The following DPF2 variants were observed in gnomAD, a reference collection of about 807,000 sequenced individuals.
DPF2 encodes zinc finger protein ubi-d4.
Under a neutral mutation model 59.6 loss-of-function variants are expected in DPF2, and 10 were observed. That is an observed-to-expected ratio of 0.17 (90% CI 0.10 to 0.28). DPF2 has a LOEUF of 0.28. Ranked by LOEUF, DPF2 falls within the 10% of genes least tolerant of loss-of-function variation. The pLI is 1.00. For missense variants in DPF2, 315 were observed against 509.4 expected, an observed-to-expected ratio of 0.62 and a Z score of 3.67; for synonymous variants, 189 against 190.6, an observed-to-expected ratio of 0.99 and a Z score of 0.07.
chr11:65,338,147 A>G (rs1317227311), intron 1 of DPF2, among the ~76,000 whole-genome samples: 2 of 151,888 alleles, frequency 1.3e-5, no homozygotes, highest in South Asian at 2.1e-4. Flanking sequence ...GGATCTCACT[A>G]TGTTGCCCAA....
chr11:65,352,029 C>T lies in DPF2; in HGVS notation c.*270C>T, dbSNP rs758009351. The T allele has an allele frequency of 3.7e-5, 18 of 486,206 alleles. No homozygotes were observed. The highest frequency in any genetic ancestry group is 6.3e-5 in the Non-Finnish European group (17 of 267,838). The allele number at this position is 486,206 out of a possible 1,614,324, so 30.1% of individuals were successfully genotyped here. ...CTGCTCTCCATTAAGTGCATTCACT[C>T]TGCTTGCCTTGGGCCCAGCCCCTGG... is the stretch of plus-strand genomic sequence containing the variant. On this transcript the variant is annotated 3_prime_UTR_variant, in exon 11 of 11. Coordinates refer to ENST00000528416, the MANE Select transcript of DPF2 (RefSeq NM_006268.5).
intron 8 of DPF2, 74 bp from the exon 9 acceptor site, chr11:65,346,173 G>A: frequency 6.3e-7 from 1 of 1,597,684 alleles, no homozygotes. Context: ...AAGAGAAGAT[G>A]TAGCCACAGG....
At chr11:65,341,620 T>TG in intron 4 of DPF2, 58 bp downstream of exon 4, 1 of 1,601,514 alleles carries the variant, frequency 6.2e-7, no homozygotes, top group African/African-American at 1.3e-5. Context: ...TCCTCTTCAC[T>TG]GGGGGCCACC....
chr11:65,344,261 A>G (rs1040846643), intron 6 of DPF2, 192 bp downstream of exon 6: 1 of 636,794 alleles, frequency 1.6e-6, no homozygotes, highest in Non-Finnish European at 2.7e-6. Context: ...TGGGACCTGC[A>G]TGCTCTGGGA....
chr11:65,335,674 T>C (rs956769136), intron 1 of DPF2, among the ~76,000 whole-genome samples: 2 of 152,178 alleles, frequency 1.3e-5, no homozygotes. Flanking sequence ...CCCACAGAAT[T>C]ATCCCTTTAA....
chr11:65,346,423 T>A lies in DPF2; in HGVS notation c.1017+64T>A, dbSNP rs529225637. On this transcript the variant is annotated intron_variant, in intron 9 of 10. Transcript: ENST00000528416. ...GGGCTTTTACTGCTGTTTGCACAGT[T>A]CCCTCTAAAGTGAGCTTTCTTTTAA... The A allele has an allele frequency of 3.4e-4, 498 of 1,452,136 alleles. 3 individuals are homozygous for A. The highest frequency in any genetic ancestry group is 1.9e-3 in the Middle Eastern group (11 of 5,686). 90.0% of individuals were successfully genotyped at this position (1,452,136 alleles called of 1,614,324 possible).
At chr11:65,342,904 C>T (rs183291048) in intron 4 of DPF2, among the ~76,000 whole-genome samples, 2 of 150,912 alleles carry the variant, frequency 1.3e-5, no homozygotes, top group East Asian at 4.0e-4. Flanking sequence ...GTCCCAGCTA[C>T]TCAGGCGCAA....
intron 1 of DPF2, among the ~76,000 whole-genome samples, chr11:65,337,531 AG>A (rs1417717332): frequency 1.4e-5 from 2 of 138,064 alleles, no homozygotes; most frequent in African/African-American, 5.3e-5. Context: ...AGAGAGAGAG[AG>A]AGAGAGAGAG....
chr11:65,350,623 C>T (rs1854668663), intron 10 of DPF2, among the ~76,000 whole-genome samples: 1 of 149,276 alleles, frequency 6.7e-6, no homozygotes, highest in Non-Finnish European at 1.5e-5. Flanking sequence ...CTCAAGTGAT[C>T]CACCCACCTC....
At chr11:65,342,312 T>C (rs1362199016) in intron 4 of DPF2, among the ~76,000 whole-genome samples, 1 of 152,118 alleles carries the variant, frequency 6.6e-6, no homozygotes, top group East Asian at 1.9e-4. Context: ...TAGCTGGGCA[T>C]GGTGGCACAC....
intron 4 of DPF2, among the ~76,000 whole-genome samples, chr11:65,342,580 C>T (rs1277905656): frequency 1.3e-5 from 2 of 152,180 alleles, no homozygotes; most frequent in African/African-American, 2.4e-5. Context: ...GATAAGAATA[C>T]ATGTAAAAAT....
rs552043364 is a variant in DPF2, at chr11:65,348,985, A to G, written c.1099+54A>G. 124 of 1,583,266 alleles carry G rather than the reference A, an allele frequency of 7.8e-5. 1 individual carries two copies. In the African/African-American group the frequency reaches 1.6e-3, roughly 21 times the overall value. ...CAATTACTTTATTAGTTACTTGGAA[A>G]ATACTGAGTTCTATGTTCTTTATGT... On this transcript the variant is annotated intron_variant, in intron 10 of 10. Coordinates refer to ENST00000528416, the MANE Select transcript of DPF2 (RefSeq NM_006268.5).
chr11:65,349,786 A>T (rs1854640013), intron 10 of DPF2, among the ~76,000 whole-genome samples: 1 of 151,012 alleles, frequency 6.6e-6, no homozygotes, highest in Non-Finnish European at 1.5e-5. Context: ...ACAGAGCGAG[A>T]CTCCATCTCA....
chr11:65,338,183 G>A (rs544576662), intron 1 of DPF2, among the ~76,000 whole-genome samples: 17 of 152,284 alleles, frequency 1.1e-4, no homozygotes, highest in Admixed American at 5.9e-4. Context: ...TTGGTCTCAA[G>A]AGATCCACCA....
Position 65,340,950 on chromosome 11 carries a change from T to A in DPF2, c.194-16T>A, listed in dbSNP as rs1175287157. On this transcript the variant is annotated splice_polypyrimidine_tract_variant and intron_variant, in intron 2 of 10. Coordinates refer to ENST00000528416, the MANE Select transcript of DPF2 (RefSeq NM_006268.5). ...ACTGGGTTAGGGCCTGACTTCTATC[T>A]TTCTTCCTGCCACAGGATTGGCCTC... The A allele has an allele frequency of 2.5e-6, 4 of 1,613,356 alleles. No individual in the cohort carries two copies. Among genetic ancestry groups the A allele is most frequent in the Non-Finnish European group, 2.5e-6 (3 of 1,179,648 alleles).
intron 5 of DPF2, 52 bp from the exon 6 acceptor site, chr11:65,343,939 C>T (rs1854454774): frequency 5.6e-6 from 9 of 1,611,758 alleles, no homozygotes; most frequent in Admixed American, 1.7e-5. Context: ...AAGAGTCTAA[C>T]TCCTCAGGCC....
rs1331423379 is a variant in DPF2 at position 65,352,750 on chromosome 11, C to T, written c.*991C>T. 2.6e-5 allele frequency: 4 copies of T among 152,594 alleles called. No individual in the cohort carries two copies. The highest frequency in any genetic ancestry group is 7.2e-5 in the African/African-American group (3 of 41,428). The allele number at this position is 152,594 out of a possible 1,614,324, so 9.5% of individuals were successfully genotyped here. ...ACATCCCTTTCTTCCCTTGCACGCT[C>T]GCTAGCAGCTGGTAAGGTCTTCACA... On this transcript the variant is annotated 3_prime_UTR_variant, in exon 11 of 11. Coordinates refer to ENST00000528416, the MANE Select transcript of DPF2 (RefSeq NM_006268.5).
chr11:65,353,833 G>A lies in DPF2; in HGVS notation c.*2074G>A, dbSNP rs1854791456. On this transcript the variant is annotated 3_prime_UTR_variant, in exon 11 of 11. Coordinates refer to ENST00000528416, the MANE Select transcript of DPF2 (RefSeq NM_006268.5). The stretch of plus-strand genomic sequence containing the variant: ...CTGGGGATTGTGTGAGGAGCAGAGC[G>A]CAGCCCGTCCTCATGCTTTTCCACT... Among the ~76,000 whole-genome samples, 1 of 152,180 alleles carries A rather than the reference G, an allele frequency of 6.6e-6. No homozygotes were observed. Among genetic ancestry groups the A allele is most frequent in the Admixed American group, 6.5e-5 (1 of 15,278 alleles).
intron 1 of DPF2, among the ~76,000 whole-genome samples, 193 bp downstream of exon 1, chr11:65,334,111 G>A (rs1409368893): frequency 1.3e-5 from 2 of 152,248 alleles, no homozygotes; most frequent in African/African-American, 4.8e-5. Flanking sequence ...GGAGGCCCTG[G>A]TGGGGGCACA....
Sources: allele counts gnomAD v4.1 joint callset (sites outside exome capture counted in the v4.1 genomes callset), GRCh38; gene constraint gnomAD v4.1.1; transcripts MANE v1.5; gene names NCBI Gene and HGNC (gene_info 2026-07-23, HGNC 2026-07-21).